The following CRAMP1 variants were observed in gnomAD, a reference collection of about 807,000 sequenced individuals.
The protein encoded by CRAMP1 is cramped chromatin regulator 1.
Under a neutral mutation model 115.4 loss-of-function variants are expected in CRAMP1, and 50 were observed. The observed-to-expected ratio is 0.43, with a 90% CI of 0.35 to 0.55. The LOEUF is 0.55. Among genes scored for constraint, CRAMP1 ranks in the 20% least tolerant of loss-of-function variants. The pLI, the probability that CRAMP1 is intolerant of heterozygous loss-of-function variation, is 0.01. For missense variants in CRAMP1, 1,679 were observed against 1,721.7 expected, an observed-to-expected ratio of 0.98 and a Z score of 0.44; for synonymous variants, 866 against 745.4, an observed-to-expected ratio of 1.16 and a Z score of -2.64.
intron 6 of CRAMP1, chr16:1,645,352 A>G (rs1414019471): frequency 3.9e-6 from 1 of 254,720 alleles, no homozygotes; most frequent in Non-Finnish European, 8.4e-6. Flanking sequence ...ACGCCCGGCT[A>G]ATTTTTTATA....
At chr16:1,653,326 G>A (rs1464860233) in intron 8 of CRAMP1, among the ~76,000 whole-genome samples, 170 bp downstream of exon 8, 1 of 152,178 alleles carries the variant, frequency 6.6e-6, no homozygotes, top group Non-Finnish European at 1.5e-5. Context: ...GGGAGCACTG[G>A]GCTGCAGTCC....
Position 1,614,923 on chromosome 16 carries a change from G to A in CRAMP1, c.284G>A (p.Arg95Lys), listed in dbSNP as rs762499648. 1.5e-6 allele frequency: 2 copies of A among 1,297,646 alleles called. No homozygotes were observed. The highest frequency in any genetic ancestry group is 2.8e-5 in the South Asian group (1 of 35,168). 80.4% of individuals were successfully genotyped at this position (1,297,646 alleles called of 1,614,324 possible). ...GTGCGGCCGCAGAGCAAGAGGCCCAGGAAGGATCCTCCGAGCGCTGTGGGG... is the reference window on the plus strand; with the variant it reads ...GTGCGGCCGCAGAGCAAGAGGCCCAAGAAGGATCCTCCGAGCGCTGTGGGG... ...SSVRPQSKRP[R>K]KDPPSAVGSG... Residue 95 changes from arginine to lysine, a missense_variant, in exon 2 of 21, where the codon AGG becomes AAG. Around this residue, in one of 8 missense-constraint regions of CRAMP1, gnomAD observed 264 missense variants for 229.7 expected, o/e 1.15. Transcript: ENST00000397412. The surrounding 1 kb of genome is among the most constrained non-coding windows in gnomAD (Gnocchi z 4.4).
chr16:1,615,745 A>G, intron 2 of CRAMP1, among the ~76,000 whole-genome samples: 1 of 152,130 alleles, frequency 6.6e-6, no homozygotes, highest in East Asian at 1.9e-4. Context: ...TTTCTATTTC[A>G]GTCTTGTGCT....
chr16:1,624,358 C>T (rs890840234), intron 2 of CRAMP1, among the ~76,000 whole-genome samples: 13 of 152,058 alleles, frequency 8.5e-5, no homozygotes, highest in Non-Finnish European at 1.6e-4. Context: ...GATGGAAAAG[C>T]CTGTGATTAT....
rs1455173074 is a variant in CRAMP1 at position 1,614,802 on chromosome 16, G to A, written c.163G>A (p.Gly55Ser). The change falls in exon 2 of 21, where the codon GGC becomes AGC. Residue 55 changes from glycine to serine, a missense_variant. Gly to Ser is a moderately conservative substitution (Grantham distance 56). Transcript: ENST00000397412. The surrounding 1 kb of genome is among the most constrained non-coding windows in gnomAD (Gnocchi z 4.4). ...TKRDEKTPRAGADGPPAPPGA... is the reference protein window; with the variant it reads ...TKRDEKTPRASADGPPAPPGA... The stretch of plus-strand genomic sequence containing the variant: ...GAGGGACGAGAAGACCCCCCGGGCC[G>A]GCGCCGACGGCCCCCCCGCGCCCCC... 7.0e-6 allele frequency: 9 copies of A among 1,285,130 alleles called. No homozygotes were observed. The highest frequency in any genetic ancestry group is 4.1e-5 in the Admixed American group (1 of 24,522). 79.6% of individuals were successfully genotyped at this position (1,285,130 alleles called of 1,614,324 possible). A position where few individuals can be genotyped will look rare whatever the true frequency, so the allele number is the denominator to read the frequency against.
intron 16 of CRAMP1, among the ~76,000 whole-genome samples, chr16:1,667,113 T>G (rs1222162246): frequency 6.6e-6 from 1 of 152,236 alleles, no homozygotes; most frequent in Non-Finnish European, 1.5e-5. Flanking sequence ...GATAGGACTT[T>G]ACTTCACTCT....
chr16:1,626,250 C>T, intron 3 of CRAMP1, 84 bp downstream of exon 3: 4 of 1,284,960 alleles, frequency 3.1e-6, no homozygotes, highest in Non-Finnish European at 4.2e-6. Context: ...TTCCTCTTTG[C>T]TGTTAGATTC....
In CRAMP1 at chr16:1,641,202, C is replaced by G. The variant is rs767159718; in HGVS notation, c.827+15C>G. 1 of 1,587,156 alleles carries G rather than the reference C, an allele frequency of 6.3e-7. No homozygotes were observed. Among genetic ancestry groups the G allele is most frequent in the Non-Finnish European group, 8.7e-7 (1 of 1,155,786 alleles). ...ATTCAGGTTGGGTAAGTCCCAGTTT[C>G]CATGTGAAACATCACTTCTCTGGGT... On this transcript the variant is annotated intron_variant, in intron 6 of 20. Transcript: ENST00000397412.
At chr16:1,627,654 G>T (rs2036518177) in intron 3 of CRAMP1, among the ~76,000 whole-genome samples, 2 of 152,204 alleles carry the variant, frequency 1.3e-5, no homozygotes, top group African/African-American at 4.8e-5. Flanking sequence ...TGCCGTGGCA[G>T]TGTGGCTTGA....
intron 2 of CRAMP1, among the ~76,000 whole-genome samples, chr16:1,623,225 T>G (rs2036480620): frequency 6.6e-6 from 1 of 152,248 alleles, no homozygotes; most frequent in Non-Finnish European, 1.5e-5. Flanking sequence ...GGTGAACCCC[T>G]CACACCCAGC....
rs1403911087 is a variant in CRAMP1, at chr16:1,673,972, C to T, written c.3737C>T (p.Ala1246Val). Residue 1246 changes from alanine to valine, a missense_variant, in exon 21 of 21, where the codon GCT becomes GTT. Around this residue, in one of 8 missense-constraint regions of CRAMP1, gnomAD observed 709 missense variants for 741.9 expected, o/e 0.96. Coordinates refer to ENST00000397412, the MANE Select transcript of CRAMP1 (RefSeq NM_020825.4). ...FNDLAQELSI[A>V]EPGRREALFD... ...GACCTGGCCCAAGAGCTGTCCATCGCTGAGCCTGGCCGCCGAGAAGCTCTG... is the reference window on the plus strand; with the variant it reads ...GACCTGGCCCAAGAGCTGTCCATCGTTGAGCCTGGCCGCCGAGAAGCTCTG... 1 of 1,613,288 alleles carries T rather than the reference C, an allele frequency of 6.2e-7. No homozygotes were observed. The highest frequency in any genetic ancestry group is 1.1e-5 in the South Asian group (1 of 91,034).
chr16:1,621,103 G>C (rs1461089479), intron 2 of CRAMP1, among the ~76,000 whole-genome samples: 1 of 152,192 alleles, frequency 6.6e-6, no homozygotes, highest in Non-Finnish European at 1.5e-5. Flanking sequence ...GAGCAGCTGT[G>C]TGGCTTTGTG....
Position 1,662,621 on chromosome 16 carries a change from C to G in CRAMP1, c.2545C>G (p.Pro849Ala). ...CAGCCGACACGGGAAGCTCTTCTCT[C>G]CCAGTAAAGAAGCAGAGCTGACTTT... ...PNSRHGKLFS[P>A]SKEAELTFRQ... is the part of the protein sequence containing the mutation. The change falls in exon 12 of 21, where the codon CCC (proline) becomes GCC (alanine). Residue 849 changes from proline (P) to alanine (A), a missense_variant. Physicochemically the swap from Pro to Ala is conservative, Grantham distance 27. Around this residue, in one of 8 missense-constraint regions of CRAMP1, gnomAD observed 709 missense variants for 741.9 expected, o/e 0.96. Coordinates refer to ENST00000397412, the MANE Select transcript of CRAMP1 (RefSeq NM_020825.4). The G allele has an allele frequency of 6.2e-7, 1 of 1,614,002 alleles. No homozygotes were observed. The highest frequency in any genetic ancestry group is 1.1e-5 in the South Asian group (1 of 91,086).
Position 1,656,218 on chromosome 16 carries a change from A to G in CRAMP1, c.1461A>G (p.Gly487=). 3 of 1,606,982 alleles carry G rather than the reference A, an allele frequency of 1.9e-6. No homozygotes were observed. Among genetic ancestry groups the G allele is most frequent in the Non-Finnish European group, 1.7e-6 (2 of 1,178,144 alleles). Residue 487 remains glycine (G), a synonymous_variant, in exon 10 of 21, where the codon GGA becomes GGG. Transcript: ENST00000397412. This position sits in a 1 kb window ranked among gnomAD's most constrained non-coding sequence, Gnocchi z 5.6. ...CGGCTGACGCCTTGCAGAGCTCCGG[A>G]GAGAGTTCCCCCGAAAGCGCCCCCG... ...PPAADALQSS[G]ESSPESAPGE...
At chr16:1,642,048 A>G (rs2036636957) in intron 6 of CRAMP1, among the ~76,000 whole-genome samples, 1 of 152,176 alleles carries the variant, frequency 6.6e-6, no homozygotes, top group Non-Finnish European at 1.5e-5. Context: ...CACCAGAGCT[A>G]TCCCGGCAGC....
rs1012228980 is a variant in CRAMP1, at chr16:1,642,146, A to G, written c.827+959A>G. On this transcript the variant is annotated intron_variant, in intron 6 of 20. Coordinates refer to ENST00000397412, the MANE Select transcript of CRAMP1 (RefSeq NM_020825.4). ...CTTGTGGGTATGCCACCCGCACCCA[A>G]GAGCCCTGCCCTTGCAGCCACTCCT... is the stretch of plus-strand genomic sequence containing the variant. Among the ~76,000 whole-genome samples the G allele has an allele frequency of 3.9e-5, 6 of 152,322 alleles. No individual in the cohort carries two copies. The East Asian group carries it at 9.7e-4, about 25-fold the overall frequency.
chr16:1,644,180 C>T (rs1264362140), intron 6 of CRAMP1, among the ~76,000 whole-genome samples: 1 of 152,196 alleles, frequency 6.6e-6, no homozygotes, highest in Non-Finnish European at 1.5e-5. Flanking sequence ...CGCTAAGGGA[C>T]TTGGCCGTTC....
intron 6 of CRAMP1, chr16:1,646,910 T>C: frequency 1.6e-6 from 1 of 614,884 alleles, no homozygotes; most frequent in Non-Finnish European, 2.9e-6. Flanking sequence ...CTGTCTCTCC[T>C]CCATTGAGTG....
rs943780476 is a variant in CRAMP1 at position 1,665,052 on chromosome 16, C to G, written c.2671-5C>G. On this transcript the variant is annotated splice_polypyrimidine_tract_variant and splice_region_variant and intron_variant, in intron 13 of 20. Transcript: ENST00000397412. ...CACCTTGATTGTTGACCATTTTCCC[C>G]ACAGAGAACACTGCTCCCTAGACCA... 3.7e-6 allele frequency: 6 copies of G among 1,601,902 alleles called. No homozygotes were observed. The African/African-American group carries it at 8.0e-5, about 21-fold the overall frequency.
Sources: allele counts gnomAD v4.1 joint callset (sites outside exome capture counted in the v4.1 genomes callset), GRCh38; gene constraint gnomAD v4.1.1; regional missense constraint gnomAD v4.1.1; non-coding constraint Gnocchi (gnomAD v3.1); transcripts MANE v1.5; gene names NCBI Gene and HGNC (gene_info 2026-07-23, HGNC 2026-07-21).